The following SCARA3 variants were observed in gnomAD, a reference collection of about 807,000 sequenced individuals.
The protein encoded by SCARA3 is cellular stress response gene protein.
A neutral mutation model predicts 47.0 loss-of-function variants in SCARA3; 39 were observed. The observed-to-expected ratio is 0.83, with a 90% confidence interval of 0.64 to 1.08. The LOEUF (loss-of-function observed/expected upper bound fraction) is 1.08, where lower values mean the gene tolerates loss of function less well. Among genes scored for constraint, SCARA3 ranks in the 50% least tolerant of loss-of-function variants. SCARA3 has a pLI of 0.00. For missense variants in SCARA3, 724 were observed against 792.3 expected (o/e 0.91, Z 1.04); for synonymous variants, 356 against 334.1 (o/e 1.07, Z -0.71).
chr8:27,653,539 T>C (rs1311397000), intron 3 of SCARA3, among the ~76,000 whole-genome samples: 1 of 151,604 alleles, frequency 6.6e-6, no homozygotes, highest in Non-Finnish European at 1.5e-5. Context: ...CCAATAATAT[T>C]TGTTGAAAGA....
At chr8:27,660,575 TGATA>T (rs1166537896) in intron 5 of SCARA3, among the ~76,000 whole-genome samples, 25 of 150,028 alleles carry the variant, frequency 1.7e-4, no homozygotes, top group African/African-American at 5.4e-4. Flanking sequence ...GATAGATAGA[TGATA>T]GATAGATCCA....
At chr8:27,675,202 A>G (rs1802249394), downstream of SCARA3, among the ~76,000 whole-genome samples, 1 of 151,756 alleles carries the variant, frequency 6.6e-6, no homozygotes, top group African/African-American at 2.4e-5. Context: ...CGTCCCTCCA[A>G]CTCGTCTCTA....
chr8:27,714,960 C>G, the SCARA3 span, among the ~76,000 whole-genome samples: 1 of 152,090 alleles, frequency 6.6e-6, no homozygotes, highest in African/African-American at 2.4e-5. Context: ...TGCTCTGTTG[C>G]CCAGTCTGGA....
At chr8:27,641,283 A>T (rs1036862401) in intron 1 of SCARA3, among the ~76,000 whole-genome samples, 1 of 152,198 alleles carries the variant, frequency 6.6e-6, no homozygotes, top group Non-Finnish European at 1.5e-5. Context: ...CTCTTTCCCC[A>T]TCCCTCCCCC....
At chr8:27,722,507 G>A in the SCARA3 span, among the ~76,000 whole-genome samples, 2 of 151,996 alleles carry the variant, frequency 1.3e-5, no homozygotes, top group African/African-American at 2.4e-5. Context: ...CCAAACCCTC[G>A]TGCCTCCATC....
Position 27,671,214 on chromosome 8 carries a change from G to A in SCARA3, c.1684G>A (p.Gly562Arg). 6.6e-7 allele frequency: 1 copy of A among 1,507,836 alleles called. No homozygotes were observed. The highest frequency in any genetic ancestry group is 8.8e-7 in the Non-Finnish European group (1 of 1,133,296). 93.4% of individuals were successfully genotyped at this position (1,507,836 alleles called of 1,614,324 possible). The change falls in exon 6 of 6, where the codon GGA becomes AGA. Residue 562 changes from glycine to arginine, a missense_variant. Coordinates refer to ENST00000301904, the MANE Select transcript of SCARA3 (RefSeq NM_016240.3). The stretch of plus-strand genomic sequence containing the variant: ...GTCTCCAGGGCCCTCAGGGCCTCAG[G>A]GAAAACCGGGAATTGCAGGGAAGAC... ...PGSPGPSGPQ[G>R]KPGIAGKTGS...
chr8:27,711,249 G>A, the SCARA3 span, among the ~76,000 whole-genome samples: 1 of 152,276 alleles, frequency 6.6e-6, no homozygotes, highest in African/African-American at 2.4e-5. Context: ...GATGTTAGTA[G>A]ACATTGGTGA....
chr8:27,636,277 C>G (rs1801247682), intron 1 of SCARA3, among the ~76,000 whole-genome samples: 1 of 152,146 alleles, frequency 6.6e-6, no homozygotes, highest in African/African-American at 2.4e-5. Context: ...CACCCCAATT[C>G]CAGACAAGCA....
chr8:27,689,691 C>T, the SCARA3 span, among the ~76,000 whole-genome samples: 4 of 152,178 alleles, frequency 2.6e-5, no homozygotes, highest in Non-Finnish European at 5.9e-5. Context: ...GCCCCAGGTC[C>T]TCACAGAACC....
chr8:27,649,597 G>T, intron 1 of SCARA3, 105 bp from the exon 2 acceptor site: 1 of 1,053,022 alleles, frequency 9.5e-7, no homozygotes, highest in South Asian at 1.3e-5. Context: ...CAGTGAGCTG[G>T]CTCAGGGGTA....
Position 27,641,264 on chromosome 8 carries a change from C to T in SCARA3, c.7+7057C>T, listed in dbSNP as rs185003403. 5.3e-5 allele frequency among the ~76,000 whole-genome samples: 8 copies of T among 152,318 alleles called. No individual in the cohort carries two copies. In the East Asian group the frequency reaches 5.8e-4, roughly 11 times the overall value. On this transcript the variant is annotated intron_variant, in intron 1 of 5. Coordinates refer to ENST00000301904, the MANE Select transcript of SCARA3 (RefSeq NM_016240.3). ...AGGGTGCCAGGCTACTCAGAATGCA[C>T]GAGAAGGCCTCTTTCCCCATCCCTC... is the stretch of plus-strand genomic sequence containing the variant.
chr8:27,642,473 C>T (rs1801403380), intron 1 of SCARA3, among the ~76,000 whole-genome samples: 1 of 152,162 alleles, frequency 6.6e-6, no homozygotes, highest in Non-Finnish European at 1.5e-5. Flanking sequence ...GTGGGGTGCC[C>T]ATGCGAGACA....
At chr8:27,694,958 C>T in the SCARA3 span, among the ~76,000 whole-genome samples, 44 of 152,200 alleles carry the variant, frequency 2.9e-4, no homozygotes, top group Non-Finnish European at 5.6e-4. Flanking sequence ...GTTTGGGTCA[C>T]GCATGGGGTC....
chr8:27,657,349 CAT>C (rs1397558571), intron 4 of SCARA3, among the ~76,000 whole-genome samples: 1 of 150,816 alleles, frequency 6.6e-6, no homozygotes, highest in Non-Finnish European at 1.5e-5. Flanking sequence ...TTAAGGGACA[CAT>C]GTGCAGGTTT....
chr8:27,714,541 A>G, the SCARA3 span, among the ~76,000 whole-genome samples: 1 of 152,180 alleles, frequency 6.6e-6, no homozygotes, highest in Non-Finnish European at 1.5e-5. Flanking sequence ...ACAGGATGCT[A>G]GCTGGGCTTA....
chr8:27,661,344 A>C (rs577088058), intron 5 of SCARA3, among the ~76,000 whole-genome samples: 2 of 152,258 alleles, frequency 1.3e-5, no homozygotes, highest in East Asian at 1.9e-4. Context: ...TACAACCAAA[A>C]ACACACACAC....
intron 5 of SCARA3, among the ~76,000 whole-genome samples, chr8:27,661,764 G>A (rs1424907727): frequency 6.6e-6 from 1 of 152,122 alleles, no homozygotes. Flanking sequence ...TACCTGCTGG[G>A]GTGATCTAAA....
At chr8:27,684,142 A>G in the SCARA3 span, among the ~76,000 whole-genome samples, 7 of 152,228 alleles carry the variant, frequency 4.6e-5, no homozygotes, top group Admixed American at 2.6e-4. Context: ...AGGTATCTAC[A>G]TTTGGTAAAA....
the SCARA3 span, among the ~76,000 whole-genome samples, chr8:27,717,643 G>A: frequency 2.6e-5 from 4 of 152,060 alleles, no homozygotes; most frequent in African/African-American, 9.7e-5. Context: ...AAATTAGTCA[G>A]GTGTGGTGGC....
Sources: allele counts gnomAD v4.1 joint callset (sites outside exome capture counted in the v4.1 genomes callset), GRCh38; gene constraint gnomAD v4.1.1; transcripts MANE v1.5; gene names NCBI Gene and HGNC (gene_info 2026-07-23, HGNC 2026-07-21).